The following EZH1 variants were observed in gnomAD, a reference collection of about 807,000 sequenced individuals.
EZH1 encodes the protein histone-lysine N-methyltransferase EZH1.
Under a neutral mutation model 100.5 loss-of-function variants are expected in EZH1, and 33 were observed. That is an observed-to-expected ratio of 0.33 (90% CI 0.25 to 0.44). The LOEUF is 0.44. Ranked by LOEUF, EZH1 falls within the 20% of genes least tolerant of loss-of-function variation. EZH1 has a pLI of 1.00. For missense variants in EZH1, 475 were observed against 928.4 expected (o/e 0.51, Z 6.35); for synonymous variants, 272 against 313.8 (o/e 0.87, Z 1.41).
At chr17:42,705,247 T>A (rs1052277255) in intron 16 of EZH1, 64 bp from the exon 17 acceptor site, 6 of 785,308 alleles carry the variant, frequency 7.6e-6, no homozygotes, top group Non-Finnish European at 1.3e-5. Context: ...GTGTGCTGGA[T>A]GTGCACATGT....
chr17:42,705,955 C>T (rs144125775), intron 16 of EZH1, 52 bp downstream of exon 16: 1,732 of 1,515,112 alleles, frequency 1.1e-3, no homozygotes, highest in Non-Finnish European at 1.4e-3. Context: ...GGGACCGTTC[C>T]TTCCTTCCCC....
chr17:42,732,534 C>T lies in EZH1; in HGVS notation c.-102-1616G>A, dbSNP rs151060818. ...CTGTAATCCCAGCACTTTGGGAGGC[C>T]GAGGCGGGCAGATGATGAGGTCAGG... On this transcript the variant is annotated intron_variant, in intron 1 of 20. Coordinates refer to ENST00000428826, the MANE Select transcript of EZH1 (RefSeq NM_001991.5). Among the ~76,000 whole-genome samples the T allele has an allele frequency of 2.7e-3, 418 of 152,010 alleles. 3 individuals carry two copies. The highest frequency in any genetic ancestry group is 9.2e-3 in the African/African-American group (380 of 41,458).
At chr17:42,719,049 A>C in intron 8 of EZH1, 56 bp downstream of exon 8, 1 of 1,332,390 alleles carries the variant, frequency 7.5e-7, no homozygotes, top group Non-Finnish European at 1.1e-6. Context: ...TTAGGAGGGA[A>C]TAAAGGTTTT....
chr17:42,729,710 G>T (rs1224342468), intron 2 of EZH1, among the ~76,000 whole-genome samples: 2 of 147,890 alleles, frequency 1.4e-5, no homozygotes, highest in East Asian at 4.0e-4. Flanking sequence ...CTGCACTCCA[G>T]CCTGGGTGAC....
chr17:42,714,086 A>T (rs2053543306), intron 10 of EZH1, among the ~76,000 whole-genome samples: 1 of 152,142 alleles, frequency 6.6e-6, no homozygotes, highest in Admixed American at 6.5e-5. Context: ...CTTCCTCCCA[A>T]ATCTGTGTAT....
intron 1 of EZH1, among the ~76,000 whole-genome samples, chr17:42,740,231 T>C (rs1254580462): frequency 2.7e-5 from 4 of 150,736 alleles, no homozygotes; most frequent in Non-Finnish European, 5.9e-5. Context: ...ATATTTTCAG[T>C]GGAGACAAGA....
At chr17:42,730,535 C>G (rs1395677395) in intron 2 of EZH1, among the ~76,000 whole-genome samples, 1 of 108,610 alleles carries the variant, frequency 9.2e-6, no homozygotes, top group East Asian at 3.1e-4. Context: ...CTCGCTCTGT[C>G]GCCCAGGCTG....
chr17:42,728,688 G>A (rs967762886), intron 3 of EZH1, 137 bp downstream of exon 3: 12 of 774,488 alleles, frequency 1.5e-5, no homozygotes, highest in African/African-American at 5.5e-5. Context: ...CTTGCAGTAA[G>A]CTGAGATTAC....
chr17:42,707,925 T>C (rs1424613146), intron 15 of EZH1, 33 bp downstream of exon 15: 2 of 1,612,824 alleles, frequency 1.2e-6, no homozygotes, highest in Non-Finnish European at 8.5e-7. Flanking sequence ...CCAACTGTTT[T>C]GGTAGACTAT....
intron 1 of EZH1, 107 bp downstream of exon 1, chr17:42,744,904 T>G (rs2054251933): frequency 8.6e-7 from 1 of 1,161,298 alleles, no homozygotes; most frequent in Non-Finnish European, 1.1e-6. Flanking sequence ...GTCCCTCGGA[T>G]TCCTTCCAAT....
Position 42,702,519 on chromosome 17 carries a change from G to T in EZH1, c.*13C>A. On this transcript the variant is annotated 3_prime_UTR_variant, in exon 21 of 21. Transcript: ENST00000428826. ...TGCCGCTACCATAAGTGCTGCCGTG[G>T]GGCCTGGGAGGGCTAAAGGACGTCG... 6.4e-7 allele frequency: 1 copy of T among 1,552,222 alleles called. No individual in the cohort carries two copies. Among genetic ancestry groups the T allele is most frequent in the Non-Finnish European group, 8.7e-7 (1 of 1,144,962 alleles).
intron 1 of EZH1, among the ~76,000 whole-genome samples, chr17:42,734,009 A>G (rs903833564): frequency 3.3e-5 from 5 of 151,428 alleles, no homozygotes; most frequent in Non-Finnish European, 5.9e-5. Flanking sequence ...ATTACCACAC[A>G]TATACCACAA....
Position 42,718,613 on chromosome 17 carries a change from G to C in EZH1, c.772C>G (p.Arg258Gly), listed in dbSNP as rs751414770. The C allele has an allele frequency of 6.2e-7, 1 of 1,614,100 alleles. No homozygotes were observed. Among genetic ancestry groups the C allele is most frequent in the Non-Finnish European group, 8.5e-7 (1 of 1,179,992 alleles). ...GVPDDMKERY[R>G]ELTEMSDPNA... ...GGGTCTGACATCTCTGTTAGTTCTC[G>C]ATACCTATTTAAGAAAAGAGAGATA... Residue 258 changes from arginine (R) to glycine (G), a missense_variant, in exon 9 of 21, where the codon CGA becomes GGA. Physicochemically the swap from Arg to Gly is moderately radical, Grantham distance 125. Coordinates refer to ENST00000428826, the MANE Select transcript of EZH1 (RefSeq NM_001991.5). The surrounding 1 kb of genome is among the most constrained non-coding windows in gnomAD (Gnocchi z 4.2).
At chr17:42,724,163 A>T in intron 5 of EZH1, 142 bp downstream of exon 5, 1 of 868,000 alleles carries the variant, frequency 1.2e-6, no homozygotes, top group South Asian at 1.7e-5. Flanking sequence ...TGTTTAGAGT[A>T]AGTAAATTAC....
At chr17:42,734,294 C>T (rs974268147) in intron 1 of EZH1, among the ~76,000 whole-genome samples, 25 of 152,086 alleles carry the variant, frequency 1.6e-4, no homozygotes, top group African/African-American at 6.0e-4. Flanking sequence ...CCTGCCTCAG[C>T]CTGCCAAAGT....
Position 42,712,271 on chromosome 17 carries a change from G to A in EZH1, c.1401+18C>T. The A allele has an allele frequency of 6.2e-7, 1 of 1,610,988 alleles. No individual in the cohort carries two copies. Among genetic ancestry groups the A allele is most frequent in the Non-Finnish European group, 8.5e-7 (1 of 1,178,874 alleles). On this transcript the variant is annotated intron_variant, in intron 12 of 20. Coordinates refer to ENST00000428826, the MANE Select transcript of EZH1 (RefSeq NM_001991.5). ...GTGAAAGGAGGGGCCCATTTGTTCT[G>A]CTGCTTCCAGATGGTACCTGCTTGC... is the stretch of plus-strand genomic sequence containing the variant.
chr17:42,713,057 A>AAAAT, intron 11 of EZH1, 152 bp downstream of exon 11: 1 of 705,658 alleles, frequency 1.4e-6, no homozygotes, highest in Non-Finnish European at 2.2e-6. Context: ...AAAAAAAAAA[A>AAAAT]AGAAAATATT....
At chr17:42,705,876 T>G (rs2053343134) in intron 16 of EZH1, 131 bp downstream of exon 16, 1 of 987,056 alleles carries the variant, frequency 1.0e-6, no homozygotes, top group Non-Finnish European at 1.4e-6. Context: ...AGTAAATATG[T>G]GTCTTTTAGG....
chr17:42,727,838 GA>G, intron 3 of EZH1, 75 bp from the exon 4 acceptor site: 1 of 1,107,900 alleles, frequency 9.0e-7, no homozygotes, highest in South Asian at 2.4e-5. Flanking sequence ...TTTTGAGATG[GA>G]GTCTTGCTCT....
Sources: allele counts gnomAD v4.1 joint callset (sites outside exome capture counted in the v4.1 genomes callset), GRCh38; gene constraint gnomAD v4.1.1; non-coding constraint Gnocchi (gnomAD v3.1); transcripts MANE v1.5; gene names NCBI Gene and HGNC (gene_info 2026-07-23, HGNC 2026-07-21).